RNF20: variants seen among roughly 807,000 people sequenced by gnomAD.
RNF20 encodes the protein E3 ubiquitin-protein ligase BRE1A.
A neutral mutation model predicts 126.2 loss-of-function variants in RNF20; 84 were observed. That is an observed-to-expected ratio of 0.67 (90% CI 0.56 to 0.80). The LOEUF (loss-of-function observed/expected upper bound fraction) is 0.80, where lower values mean the gene tolerates loss of function less well. RNF20 is among the 30% of genes least tolerant of loss of function. The probability of loss-of-function intolerance (pLI) is 0.00; values close to 1 mark genes in which losing one functional copy is unlikely to be tolerated. For missense variants in RNF20, 869 were observed against 1,188.2 expected (o/e 0.73, Z 3.95); for synonymous variants, 400 against 414.3 (o/e 0.97, Z 0.42).
At chr9:101,541,034 A>G (rs1408518954) in intron 5 of RNF20, 59 bp downstream of exon 5, 22 of 1,375,682 alleles carry the variant, frequency 1.6e-5, no homozygotes, top group Non-Finnish European at 1.9e-5. Flanking sequence ...TCATTTTTGC[A>G]TGCTAATTTG....
rs376772052 is a variant in RNF20, at chr9:101,552,649, G to A, written c.1797G>A (p.Glu599=). Residue 599 remains glutamate, a synonymous_variant, in exon 13 of 20, where the codon GAG becomes GAA. Transcript: ENST00000389120. ...EREREKQKLK[E]SEKERDSAKD... ...AACGAGAGAAGCAGAAGCTAAAAGA[G>A]TCAGAAAAAGAGAGAGATTCTGCTA... The A allele has an allele frequency of 6.6e-7, 1 of 1,522,024 alleles. No homozygotes were observed. The highest frequency in any genetic ancestry group is 1.7e-4 in the Middle Eastern group (1 of 5,888). 94.3% of individuals were successfully genotyped at this position (1,522,024 alleles called of 1,614,324 possible).
At chr9:101,537,298 G>A (rs1827199472) in intron 2 of RNF20, among the ~76,000 whole-genome samples, 1 of 152,186 alleles carries the variant, frequency 6.6e-6, no homozygotes, top group African/African-American at 2.4e-5. Flanking sequence ...TAACTCACAT[G>A]AAAGATAGGA....
At chr9:101,553,247 C>A (rs200469627) in intron 13 of RNF20, among the ~76,000 whole-genome samples, 1 of 152,082 alleles carries the variant, frequency 6.6e-6, no homozygotes, top group Non-Finnish European at 1.5e-5. Flanking sequence ...TAAGATAGAC[C>A]TTTAACTTGT....
At chr9:101,555,384 A>T (rs549937019) in intron 15 of RNF20, among the ~76,000 whole-genome samples, 1 of 152,132 alleles carries the variant, frequency 6.6e-6, no homozygotes, top group African/African-American at 2.4e-5. Flanking sequence ...AACTATGGCT[A>T]TTTTGGGGTC....
At position 101,540,981 on chromosome 9, in the gene RNF20, G is replaced by A. The variant is rs1705890913; in HGVS notation, c.628+6G>A. On this transcript the variant is annotated splice_donor_region_variant and intron_variant, in intron 5 of 19. Transcript: ENST00000389120. ...CCGGAAGCTAAACAGTGGAGGTGAG[G>A]CAAGACCCTGGAGGCCGGGAGTAGT... The A allele has an allele frequency of 1.9e-6, 3 of 1,612,010 alleles. No individual in the cohort carries two copies. Among genetic ancestry groups the A allele is most frequent in the Non-Finnish European group, 2.5e-6 (3 of 1,178,482 alleles).
At position 101,543,395 on chromosome 9, in the gene RNF20, A is replaced by G. The variant is rs879762500; in HGVS notation, c.629-1372A>G. On this transcript the variant is annotated intron_variant, in intron 5 of 19. Coordinates refer to ENST00000389120, the MANE Select transcript of RNF20 (RefSeq NM_019592.7). Reference sequence around the variant, plus strand: ...AGGGCGGCACTGTCTAACCTGCCAGAGCGGCACTGTCTAACCTGCCAGAGC... The same window carrying G: ...AGGGCGGCACTGTCTAACCTGCCAGGGCGGCACTGTCTAACCTGCCAGAGC... 6.1e-3 allele frequency among the ~76,000 whole-genome samples: 707 copies of G among 115,500 alleles called. 2 individuals are homozygous for G. The highest frequency in any genetic ancestry group is 0.011 in the Admixed American group (118 of 10,870). The allele number at this position is 115,500 out of a possible 152,430, so 75.8% of individuals were successfully genotyped here.
At chr9:101,547,277 G>A in intron 8 of RNF20, 63 bp downstream of exon 8, 1 of 1,594,496 alleles carries the variant, frequency 6.3e-7, no homozygotes, top group Non-Finnish European at 8.6e-7. Context: ...TAGGTACTTA[G>A]GACTGTGTTC....
At chr9:101,540,673 A>G (rs780279559) in intron 4 of RNF20, 36 bp downstream of exon 4, 5 of 1,609,368 alleles carry the variant, frequency 3.1e-6, no homozygotes, top group Non-Finnish European at 3.4e-6. Context: ...ACTGCATGCT[A>G]TCTGGGTTTT....
chr9:101,547,156 A>G lies in RNF20; in HGVS notation c.914A>G (p.Lys305Arg). ...CTGTAGGTGAATTCCAAAGGTTATA[A>G]GGTGTATGGAGCGGGGAGCAGTCTG... Reference protein sequence around the residue: ...VLERVNSKGYKVYGAGSSLYG... With the variant: ...VLERVNSKGYRVYGAGSSLYG... The change falls in exon 8 of 20, where the codon AAG (lysine) becomes AGG (arginine). Residue 305 changes from lysine (K) to arginine (R), a missense_variant. By Grantham distance (26) the Lys-to-Arg change is conservative. Around this residue, in one of 8 missense-constraint regions of RNF20, gnomAD observed 153 missense variants for 226.4 expected, o/e 0.68. Coordinates refer to ENST00000389120, the MANE Select transcript of RNF20 (RefSeq NM_019592.7). 1 of 1,614,108 alleles carries G rather than the reference A, an allele frequency of 6.2e-7. No individual in the cohort carries two copies. Among genetic ancestry groups the G allele is most frequent in the African/African-American group, 1.3e-5 (1 of 75,024 alleles).
Position 101,540,776 on chromosome 9 carries a change from T to TCCC in RNF20, c.446-14_446-12dup. ...TATAATTTTGGGGGGCTTCTTTTTT[T>TCCC]CCCCCTGTGTCCTCAGGGGAAGGGC... On this transcript the variant is annotated splice_polypyrimidine_tract_variant and intron_variant, in intron 4 of 19. Coordinates refer to ENST00000389120, the MANE Select transcript of RNF20 (RefSeq NM_019592.7). 6.3e-7 allele frequency: 1 copy of TCCC among 1,592,568 alleles called. No homozygotes were observed. The highest frequency in any genetic ancestry group is 8.5e-7 in the Non-Finnish European group (1 of 1,173,214).
chr9:101,547,603 C>A, intron 9 of RNF20, 85 bp downstream of exon 9: 3 of 1,462,914 alleles, frequency 2.1e-6, no homozygotes, highest in Non-Finnish European at 1.9e-6. Context: ...TCTGCGTATT[C>A]ATGAGGGATA....
chr9:101,539,636 TGTG>T (rs1827230017), intron 2 of RNF20, among the ~76,000 whole-genome samples: 1 of 152,192 alleles, frequency 6.6e-6, no homozygotes, highest in South Asian at 2.1e-4. Flanking sequence ...AGATTTCAGA[TGTG>T]GTACAGTTCC....
In RNF20 at chr9:101,547,385, C is replaced by G. The variant is rs1827368362; in HGVS notation, c.973-14C>G. 1 of 1,613,490 alleles carries G rather than the reference C, an allele frequency of 6.2e-7. No homozygotes were observed. The highest frequency in any genetic ancestry group is 1.3e-5 in the African/African-American group (1 of 74,978). ...GAATACTTATTTATTCTCTATTTTT[C>G]TGCTTCTCTGCAGTTTGAGGAAATG... On this transcript the variant is annotated splice_polypyrimidine_tract_variant and intron_variant, in intron 8 of 19. Coordinates refer to ENST00000389120, the MANE Select transcript of RNF20 (RefSeq NM_019592.7).
At chr9:101,539,902 C>T (rs1827233028) in intron 2 of RNF20, among the ~76,000 whole-genome samples, 2 of 151,570 alleles carry the variant, frequency 1.3e-5, no homozygotes, top group Non-Finnish European at 2.9e-5. Context: ...TGATTGGAGT[C>T]GAGGGTGATC....
chr9:101,552,260 A>G lies in RNF20; in HGVS notation c.1528A>G (p.Lys510Glu), dbSNP rs137983928. ...KLREAQSDLN[K>E]TRLRSGSALL... ...GAGAGAAGCCCAGTCTGACCTGAAC[A>G]AGGTAACCAGAGGGAATAGAATAAA... is the stretch of plus-strand genomic sequence containing the variant. Residue 510 changes from lysine to glutamate, a missense_variant and splice_region_variant, in exon 12 of 20, where the codon AAG (lysine) becomes GAG (glutamate). By Grantham distance (56) the Lys-to-Glu change is moderately conservative. Transcript: ENST00000389120. 2.4e-5 allele frequency: 39 copies of G among 1,614,094 alleles called. No homozygotes were observed. The highest frequency in any genetic ancestry group is 8.0e-5 in the African/African-American group (6 of 74,938).
At chr9:101,546,755 G>T (rs1827353367) in intron 6 of RNF20, 65 bp from the exon 7 acceptor site, 2 of 1,553,076 alleles carry the variant, frequency 1.3e-6, no homozygotes, top group Admixed American at 3.4e-5. Context: ...ATAAGCAAGG[G>T]TTAATATTAT....
Position 101,561,893 on chromosome 9 carries a change from A to G in RNF20, c.2650-17A>G, listed in dbSNP as rs1257096474. The G allele has an allele frequency of 1.3e-6, 2 of 1,555,192 alleles. No homozygotes were observed. Among genetic ancestry groups the G allele is most frequent in the Admixed American group, 1.7e-5 (1 of 59,960 alleles). On this transcript the variant is annotated splice_polypyrimidine_tract_variant and intron_variant, in intron 18 of 19. Coordinates refer to ENST00000389120, the MANE Select transcript of RNF20 (RefSeq NM_019592.7). ...ATTTGGGTAAGTGTGTCTAATGGGTATGCTATCCTGCCACAGGAGGACATC... is the reference window on the plus strand; with the variant it reads ...ATTTGGGTAAGTGTGTCTAATGGGTGTGCTATCCTGCCACAGGAGGACATC...
At chr9:101,538,020 AAAG>A (rs1827209948) in intron 2 of RNF20, among the ~76,000 whole-genome samples, 2 of 152,330 alleles carry the variant, frequency 1.3e-5, no homozygotes, top group South Asian at 4.1e-4. Context: ...TAAGTTCAGT[AAAG>A]AAGGAGGTGA....
intron 9 of RNF20, among the ~76,000 whole-genome samples, chr9:101,548,968 C>CA (rs1465747863): frequency 6.6e-6 from 1 of 152,224 alleles, no homozygotes; most frequent in Non-Finnish European, 1.5e-5. Context: ...GAGAAAGAAA[C>CA]ACGATTGGTG....
Sources: allele counts gnomAD v4.1 joint callset (sites outside exome capture counted in the v4.1 genomes callset), GRCh38; gene constraint gnomAD v4.1.1; regional missense constraint gnomAD v4.1.1; transcripts MANE v1.5; gene names NCBI Gene and HGNC (gene_info 2026-07-23, HGNC 2026-07-21).